ZIC5: variants seen among roughly 807,000 people sequenced by gnomAD.
ZIC5 encodes the protein zinc finger protein ZIC 5.
ZIC5 carries 20 observed loss-of-function variants against 28.5 expected under a neutral mutation model. The ratio of observed to expected loss-of-function variants is 0.70; its 90% confidence interval spans 0.49 to 1.02. ZIC5 has a LOEUF of 1.02. Among genes scored for constraint, ZIC5 ranks in the 50% least tolerant of loss-of-function variants. The pLI, the probability that ZIC5 is intolerant of heterozygous loss-of-function variation, is 0.00. For missense variants in ZIC5, 951 were observed against 899.7 expected, an observed-to-expected ratio of 1.06 and a Z score of -0.73; for synonymous variants, 488 against 410.4, an observed-to-expected ratio of 1.19 and a Z score of -2.29.
rs533688383 is a variant in ZIC5, at chr13:99,971,737, T to G, written c.-134A>C. 2.9e-5 allele frequency: 44 copies of G among 1,539,760 alleles called. No individual in the cohort carries two copies. The highest frequency in any genetic ancestry group is 3.3e-5 in the Non-Finnish European group (38 of 1,138,206). ...GCCTCTTAACTCTGCTTATTCCTGT[T>G]CCCACTCTATCCTCCAGCGATTGGC... is the stretch of plus-strand genomic sequence containing the variant. On this transcript the variant is annotated 5_prime_UTR_variant, in exon 1 of 2. Transcript: ENST00000267294.
Position 99,970,647 on chromosome 13 carries a change from T to C in ZIC5, c.957A>G (p.Ala319=). Residue 319 remains alanine, a synonymous_variant, in exon 1 of 2, where the codon GCA becomes GCG. Coordinates refer to ENST00000267294, the MANE Select transcript of ZIC5 (RefSeq NM_033132.5). ...NLNLAAAAAA[A]AAGPGPHLQH... ...GCAGGTGGGGCCCGGGCCCGGCCGCTGCTGCGGCCGCCGCAGCCGCCAGGT... is the reference window on the plus strand; with the variant it reads ...GCAGGTGGGGCCCGGGCCCGGCCGCCGCTGCGGCCGCCGCAGCCGCCAGGT... The C allele has an allele frequency of 1.8e-6, 2 of 1,133,958 alleles. No individual in the cohort carries two copies. The highest frequency in any genetic ancestry group is 1.1e-6 in the Non-Finnish European group (1 of 920,430). 70.2% of individuals were successfully genotyped at this position (1,133,958 alleles called of 1,614,324 possible). A position where few individuals can be genotyped will look rare whatever the true frequency, so the allele number is the denominator to read the frequency against.
intron 1 of ZIC5, among the ~76,000 whole-genome samples, chr13:99,969,847 G>C (rs1432840132): frequency 1.3e-5 from 2 of 148,410 alleles, no homozygotes; most frequent in Admixed American, 6.7e-5. Context: ...GCGCGTTGCG[G>C]GTCCCGGCCG....
chr13:99,971,249 T>TGCTGCCCCCGCCGCAGGGGTA lies in ZIC5; in HGVS notation c.334_354dup (p.Tyr112_Ser118dup). On this transcript the variant is annotated inframe_insertion, in exon 1 of 2. Coordinates refer to ENST00000267294, the MANE Select transcript of ZIC5 (RefSeq NM_033132.5). ...GGGGGCGCGGAGGGCTGCGCGCCAC[T>TGCTGCCCCCGCCGCAGGGGTA]GCTGCCCCCGCCGCAGGGGTAGCTG... The TGCTGCCCCCGCCGCAGGGGTA allele has an allele frequency of 7.6e-7, 1 of 1,320,134 alleles. No homozygotes were observed. The highest frequency in any genetic ancestry group is 2.2e-5 in the South Asian group (1 of 45,012). The allele number at this position is 1,320,134 out of a possible 1,614,324, so 81.8% of individuals were successfully genotyped here. A position where few individuals can be genotyped will look rare whatever the true frequency, so the allele number is the denominator to read the frequency against.
intron 1 of ZIC5, 22 bp downstream of exon 1, chr13:99,970,105 G>A (rs1186423622): frequency 6.2e-7 from 1 of 1,603,904 alleles, no homozygotes; most frequent in Non-Finnish European, 8.5e-7. Context: ...CGGCGGCGGC[G>A]CGGCCGGGGA....
In ZIC5 at chr13:99,971,381, C is replaced by T. The variant is rs1258237144; in HGVS notation, c.223G>A (p.Ala75Thr). ...TPLGPEHMAQ[A>T]STLGLSPPSQ... ...GGAGGGCTGAGGCCCAGCGTGCTCG[C>T]CTGGGCCATGTGCTCGGGTCCGAGC... The change falls in exon 1 of 2, where the codon GCG becomes ACG. Residue 75 changes from alanine (A) to threonine (T), a missense_variant. By Grantham distance (58) the Ala-to-Thr change is moderately conservative. Around this residue, in one of 3 missense-constraint regions of ZIC5, gnomAD observed 784 missense variants for 660.1 expected, o/e 1.19. Coordinates refer to ENST00000267294, the MANE Select transcript of ZIC5 (RefSeq NM_033132.5). 2 of 1,499,112 alleles carry T rather than the reference C, an allele frequency of 1.3e-6. No individual in the cohort carries two copies. Among genetic ancestry groups the T allele is most frequent in the African/African-American group, 2.8e-5 (2 of 71,128 alleles). The allele number at this position is 1,499,112 out of a possible 1,614,324, so 92.9% of individuals were successfully genotyped here.
chr13:99,965,266 C>T lies in ZIC5; in HGVS notation c.*111G>A, dbSNP rs951425053. On this transcript the variant is annotated 3_prime_UTR_variant, in exon 2 of 2. Coordinates refer to ENST00000267294, the MANE Select transcript of ZIC5 (RefSeq NM_033132.5). ...CTGAATAAATAGGGCTAATTAGACC[C>T]GGTGGCAAGTCTGAGTCACGGGTTT... 8.3e-6 allele frequency: 8 copies of T among 967,420 alleles called. No individual in the cohort carries two copies. Among genetic ancestry groups the T allele is most frequent in the East Asian group, 5.3e-5 (2 of 37,524 alleles). 59.9% of individuals were successfully genotyped at this position (967,420 alleles called of 1,614,324 possible). A position where few individuals can be genotyped will look rare whatever the true frequency, so the allele number is the denominator to read the frequency against.
At position 99,965,704 on chromosome 13, in the gene ZIC5, A is replaced by T. The variant is rs770941423; in HGVS notation, c.1593T>A (p.Ile531=). ...GAGTGTAGGATTTGTCACAGCCTCGAATCTTGCAGTAGTAGGGCTTGTCAC... is the reference window on the plus strand; with the variant it reads ...GAGTGTAGGATTTGTCACAGCCTCGTATCTTGCAGTAGTAGGGCTTGTCAC... ...HTSDKPYYCK[I]RGCDKSYTHP... Residue 531 remains isoleucine (I), a synonymous_variant, in exon 2 of 2, where the codon ATT becomes ATA. Coordinates refer to ENST00000267294, the MANE Select transcript of ZIC5 (RefSeq NM_033132.5). 9 of 1,614,222 alleles carry T rather than the reference A, an allele frequency of 5.6e-6. No individual in the cohort carries two copies. The Admixed American group carries it at 1.5e-4, about 27-fold the overall frequency.
In ZIC5 at chr13:99,971,300, C is replaced by T. The variant is rs2053156623; in HGVS notation, c.304G>A (p.Ala102Thr). 7.3e-7 allele frequency: 1 copy of T among 1,368,874 alleles called. No individual in the cohort carries two copies. The highest frequency in any genetic ancestry group is 1.5e-5 in the African/African-American group (1 of 65,046). The allele number at this position is 1,368,874 out of a possible 1,614,324, so 84.8% of individuals were successfully genotyped here. Reference protein sequence around the residue: ...EAPAAAARAAALVAHPGAGSY... With the variant: ...EAPAAAARAATLVAHPGAGSY... ...CCCGCGCCGGGGTGCGCGACCAAGG[C>T]TGCAGCACGGGCGGCGGCTGCCGGA... Residue 102 changes from alanine (A) to threonine (T), a missense_variant, in exon 1 of 2, where the codon GCC becomes ACC. Ala to Thr is a moderately conservative substitution (Grantham distance 58, BLOSUM62 0). Transcript: ENST00000267294.
At position 99,971,296 on chromosome 13, in the gene ZIC5, A is replaced by G. The variant is rs1451742154; in HGVS notation, c.308T>C (p.Leu103Ser). 4 of 1,356,788 alleles carry G rather than the reference A, an allele frequency of 2.9e-6. No individual in the cohort carries two copies. The highest frequency in any genetic ancestry group is 3.8e-6 in the Non-Finnish European group (4 of 1,064,520). 84.0% of individuals were successfully genotyped at this position (1,356,788 alleles called of 1,614,324 possible). A position where few individuals can be genotyped will look rare whatever the true frequency, so the allele number is the denominator to read the frequency against. ...APAAAARAAA[L>S]VAHPGAGSYP... is the part of the protein sequence containing the mutation. ...GCTGCCCGCGCCGGGGTGCGCGACC[A>G]AGGCTGCAGCACGGGCGGCGGCTGC... The change falls in exon 1 of 2, where the codon TTG becomes TCG. Residue 103 changes from leucine to serine, a missense_variant. This residue lies in a region of ZIC5 where 784 missense variants were observed against 660.1 expected (regional missense o/e 1.19). Transcript: ENST00000267294.
At position 99,971,701 on chromosome 13, in the gene ZIC5, C is replaced by G; in HGVS notation, c.-98G>C. On this transcript the variant is annotated 5_prime_UTR_variant, in exon 1 of 2. Coordinates refer to ENST00000267294, the MANE Select transcript of ZIC5 (RefSeq NM_033132.5). ...GTATGTATTGGGCGCTCTTTAACTT[C>G]TTTTGTCCTGGCCTCTTAACTCTGC... is the stretch of plus-strand genomic sequence containing the variant. 3 of 1,551,186 alleles carry G rather than the reference C, an allele frequency of 1.9e-6. No homozygotes were observed. In the South Asian group the frequency reaches 3.6e-5, roughly 18 times the overall value.
chr13:99,967,611 G>A (rs1236341023), intron 1 of ZIC5, among the ~76,000 whole-genome samples: 4 of 152,206 alleles, frequency 2.6e-5, no homozygotes, highest in African/African-American at 7.2e-5. Context: ...CTGTTTTTGA[G>A]CATGGTCGTT....
chr13:99,966,236 C>G lies in ZIC5; in HGVS notation c.1478-417G>C, dbSNP rs555842177. Among the ~76,000 whole-genome samples the G allele has an allele frequency of 2.6e-5, 4 of 152,218 alleles. No individual in the cohort carries two copies. In the East Asian group the frequency reaches 7.7e-4, roughly 29 times the overall value. ...TAAACACAAAATGATACTTCCAAAG[C>G]CACAGGCGGAAGTAAGCGTATAAGA... On this transcript the variant is annotated intron_variant, in intron 1 of 1. Transcript: ENST00000267294.
At position 99,970,640 on chromosome 13, in the gene ZIC5, C is replaced by G. The variant is rs1291027952; in HGVS notation, c.964G>C (p.Gly322Arg). 5 of 1,119,658 alleles carry G rather than the reference C, an allele frequency of 4.5e-6. No individual in the cohort carries two copies. Among genetic ancestry groups the G allele is most frequent in the Non-Finnish European group, 4.4e-6 (4 of 912,346 alleles). The allele number at this position is 1,119,658 out of a possible 1,614,324, so 69.4% of individuals were successfully genotyped here. The change falls in exon 1 of 2, where the codon GGG (glycine) becomes CGG (arginine). Residue 322 changes from glycine (G) to arginine (R), a missense_variant. By Grantham distance (125) the Gly-to-Arg change is moderately radical. This residue lies in a region of ZIC5 where 784 missense variants were observed against 660.1 expected (regional missense o/e 1.19). Coordinates refer to ENST00000267294, the MANE Select transcript of ZIC5 (RefSeq NM_033132.5). ...LAAAAAAAAAGPGPHLQHHAP... is the reference protein window; with the variant it reads ...LAAAAAAAAARPGPHLQHHAP... ...TGGTGCTGCAGGTGGGGCCCGGGCC[C>G]GGCCGCTGCTGCGGCCGCCGCAGCC...
chr13:99,968,729 G>A (rs1365852141), intron 1 of ZIC5, among the ~76,000 whole-genome samples: 6 of 152,200 alleles, frequency 3.9e-5, no homozygotes, highest in African/African-American at 1.4e-4. Context: ...CCGGCTTAGC[G>A]GGCCAGGGCG....
In ZIC5 at chr13:99,971,756, G is replaced by C. The variant is rs1451139241; in HGVS notation, c.-153C>G. ...TCCTGTTCCCACTCTATCCTCCAGC[G>C]ATTGGCAGAGTGAACACCACATTTG... is the stretch of plus-strand genomic sequence containing the variant. On this transcript the variant is annotated 5_prime_UTR_variant, in exon 1 of 2. In the 5' UTR this introduces an upstream ATG that the reference lacks. Transcript: ENST00000267294. The C allele has an allele frequency of 2.0e-5, 31 of 1,519,426 alleles. No homozygotes were observed. The highest frequency in any genetic ancestry group is 2.2e-5 in the Non-Finnish European group (25 of 1,121,098). The allele number at this position is 1,519,426 out of a possible 1,614,324, so 94.1% of individuals were successfully genotyped here.
chr13:99,971,739 C>T lies in ZIC5; in HGVS notation c.-136G>A. On this transcript the variant is annotated 5_prime_UTR_variant, in exon 1 of 2. Transcript: ENST00000267294. ...CTCTTAACTCTGCTTATTCCTGTTC[C>T]CACTCTATCCTCCAGCGATTGGCAG... 1.3e-6 allele frequency: 2 copies of T among 1,539,716 alleles called. No individual in the cohort carries two copies. The highest frequency in any genetic ancestry group is 1.8e-6 in the Non-Finnish European group (2 of 1,138,212).
In ZIC5 at chr13:99,971,689, G is replaced by A. The variant is rs1482536286; in HGVS notation, c.-86C>T. 2 of 1,552,032 alleles carry A rather than the reference G, an allele frequency of 1.3e-6. No homozygotes were observed. Among genetic ancestry groups the A allele is most frequent in the African/African-American group, 1.4e-5 (1 of 73,066 alleles). Reference sequence around the variant, plus strand: ...CTTCAAAAACATGTATGTATTGGGCGCTCTTTAACTTCTTTTGTCCTGGCC... The same window carrying A: ...CTTCAAAAACATGTATGTATTGGGCACTCTTTAACTTCTTTTGTCCTGGCC... On this transcript the variant is annotated 5_prime_UTR_variant, in exon 1 of 2. Transcript: ENST00000267294.
At position 99,963,217 on chromosome 13, in the gene ZIC5, TAAAGA is replaced by T. The variant is rs548008864; in HGVS notation, c.*2155_*2159del. On this transcript the variant is annotated 3_prime_UTR_variant, in exon 2 of 2. Coordinates refer to ENST00000267294, the MANE Select transcript of ZIC5 (RefSeq NM_033132.5). ...CATAATAAATAAACCTGTAGCATAATAAAGAATAGTGCAAACTACCATTGAAAAAG... is the reference window on the plus strand; with the variant it reads ...CATAATAAATAAACCTGTAGCATAATATAGTGCAAACTACCATTGAAAAAG... 14 of 152,532 alleles carry T rather than the reference TAAAGA, an allele frequency of 9.2e-5. No individual in the cohort carries two copies. The highest frequency in any genetic ancestry group is 1.8e-4 in the Non-Finnish European group (12 of 68,004). 9.4% of individuals were successfully genotyped at this position (152,532 alleles called of 1,614,324 possible).
intron 1 of ZIC5, among the ~76,000 whole-genome samples, chr13:99,968,191 T>G (rs1488556805): frequency 6.6e-6 from 1 of 151,256 alleles, no homozygotes; most frequent in Non-Finnish European, 1.5e-5. Flanking sequence ...GGGAAAGAAG[T>G]CCGGATGGGC....
Sources: gnomAD v4.1 joint callset for allele counts (sites outside exome capture counted in the v4.1 genomes callset) on GRCh38, gnomAD v4.1.1 for gene constraint, gnomAD v4.1.1 regional missense constraint, MANE v1.5 for transcripts, NCBI Gene and HGNC (gene_info 2026-07-23, HGNC 2026-07-21) for gene names.